The following KIAA1549L variants were observed in gnomAD, a reference collection of about 807,000 sequenced individuals.
KIAA1549L encodes KIAA1549 like.
KIAA1549L carries 88 observed loss-of-function variants against 160.7 expected under a neutral mutation model. That is an observed-to-expected ratio of 0.55 (90% CI 0.46 to 0.65). The LOEUF (loss-of-function observed/expected upper bound fraction) is 0.65, where lower values mean the gene tolerates loss of function less well. KIAA1549L is among the 30% of genes least tolerant of loss of function. The pLI is 0.00. For synonymous variants in KIAA1549L, 950 were observed against 976.7 expected (o/e 0.97, Z 0.51); for missense variants, 2,258 against 2,437.5 (o/e 0.93, Z 1.55).
chr11:33,463,831 T>A (rs1851989580), intron 1 of KIAA1549L, among the ~76,000 whole-genome samples: 2 of 152,244 alleles, frequency 1.3e-5, no homozygotes, highest in Non-Finnish European at 2.9e-5. Flanking sequence ...TGCCCATTAT[T>A]AACAATGAAT....
chr11:33,562,088 A>G (rs1220918784), intron 8 of KIAA1549L, among the ~76,000 whole-genome samples: 8 of 152,196 alleles, frequency 5.3e-5, no homozygotes. Flanking sequence ...TGCAAAACCC[A>G]AATTAAAGTT....
intron 1 of KIAA1549L, among the ~76,000 whole-genome samples, chr11:33,495,503 C>T (rs1852796503): frequency 6.6e-6 from 1 of 152,104 alleles, no homozygotes; most frequent in South Asian, 2.1e-4. Context: ...ATATGTGCCA[C>T]ATTTTCTTAA....
At chr11:33,398,122 A>G (rs1288303912) in intron 1 of KIAA1549L, among the ~76,000 whole-genome samples, 1 of 151,788 alleles carries the variant, frequency 6.6e-6, no homozygotes, top group East Asian at 1.9e-4. Context: ...GGGTTTCGCC[A>G]TGTAGGCCAG....
intron 1 of KIAA1549L, among the ~76,000 whole-genome samples, chr11:33,512,753 T>C (rs920571672): frequency 9.9e-5 from 15 of 152,250 alleles, no homozygotes; most frequent in Non-Finnish European, 1.9e-4. Flanking sequence ...ATCCTTTTAG[T>C]GCATTATCTC....
intron 16 of KIAA1549L, among the ~76,000 whole-genome samples, chr11:33,642,957 A>C (rs1851626776): frequency 6.6e-6 from 1 of 152,190 alleles, no homozygotes; most frequent in African/African-American, 2.4e-5. Flanking sequence ...AAATGGGTTC[A>C]GGGAGTATCC....
intron 8 of KIAA1549L, 101 bp downstream of exon 8, chr11:33,561,836 CTCCTGTCTTATAAGTCAG>C (rs770671624): frequency 8.3e-6 from 7 of 846,572 alleles, no homozygotes; most frequent in African/African-American, 3.4e-5. Flanking sequence ...CTTTTCTTTG[CTCCTGTCTTATAAGTCAG>C]GAAGTTACTT....
At chr11:33,580,300 G>A (rs186661760) in intron 10 of KIAA1549L, among the ~76,000 whole-genome samples, 34 of 152,298 alleles carry the variant, frequency 2.2e-4, no homozygotes, top group African/African-American at 7.7e-4. Flanking sequence ...TTGGCTGGGC[G>A]CAGTGGCTCA....
intron 16 of KIAA1549L, 70 bp downstream of exon 16, chr11:33,618,732 C>T: frequency 7.5e-7 from 1 of 1,331,284 alleles, no homozygotes; most frequent in South Asian, 1.8e-5. Flanking sequence ...TAGGGCATCC[C>T]ACTGTGTTTT....
intron 1 of KIAA1549L, among the ~76,000 whole-genome samples, chr11:33,522,855 C>T (rs969879445): frequency 4.0e-5 from 6 of 151,326 alleles, no homozygotes; most frequent in Non-Finnish European, 5.9e-5. Flanking sequence ...GCTATGATTG[C>T]GCCACTAAAT....
At chr11:33,463,668 G>A (rs1565147543) in intron 1 of KIAA1549L, among the ~76,000 whole-genome samples, 1 of 152,204 alleles carries the variant, frequency 6.6e-6, no homozygotes, top group Non-Finnish European at 1.5e-5. Context: ...CTACTCAGCT[G>A]AGCATGATTA....
chr11:33,636,297 GA>G (rs57934581), intron 16 of KIAA1549L, among the ~76,000 whole-genome samples: 5,016 of 147,686 alleles, frequency 0.034, 193 homozygotes, highest in East Asian at 0.19. Flanking sequence ...AGTAAGGAAA[GA>G]AAAAAAATTG....
intron 1 of KIAA1549L, among the ~76,000 whole-genome samples, chr11:33,387,669 C>T (rs1850199843): frequency 6.6e-6 from 1 of 152,156 alleles, no homozygotes; most frequent in Non-Finnish European, 1.5e-5. Flanking sequence ...GGAAAACAGC[C>T]TGGGTGAGGG....
chr11:33,529,851 G>A (rs913255017), intron 1 of KIAA1549L, among the ~76,000 whole-genome samples: 5 of 152,164 alleles, frequency 3.3e-5, no homozygotes. Flanking sequence ...CTAGAAATAA[G>A]GAGTTGTGGG....
chr11:33,578,566 T>C (rs950792756), intron 10 of KIAA1549L, among the ~76,000 whole-genome samples: 7 of 152,218 alleles, frequency 4.6e-5, no homozygotes, highest in Admixed American at 1.3e-4. Flanking sequence ...TGATCTTACA[T>C]TGACTCCATT....
At chr11:33,526,142 A>G (rs1853606626) in intron 1 of KIAA1549L, among the ~76,000 whole-genome samples, 2 of 152,168 alleles carry the variant, frequency 1.3e-5, no homozygotes, top group Admixed American at 6.5e-5. Flanking sequence ...ACATAGGGCA[A>G]GCTTATATCC....
chr11:33,419,787 C>G (rs1233770224), intron 1 of KIAA1549L, among the ~76,000 whole-genome samples: 6 of 151,948 alleles, frequency 3.9e-5, no homozygotes, highest in African/African-American at 1.5e-4. Flanking sequence ...GCGGAGGTTG[C>G]AGTGAGCCAA....
At chr11:33,494,529 G>A (rs1442729803) in intron 1 of KIAA1549L, among the ~76,000 whole-genome samples, 1 of 152,216 alleles carries the variant, frequency 6.6e-6, no homozygotes, top group African/African-American at 2.4e-5. Flanking sequence ...GGCAGCAAAT[G>A]TATAAATCAG....
chr11:33,613,932 C>T (rs1387052278), intron 15 of KIAA1549L, among the ~76,000 whole-genome samples: 3 of 152,164 alleles, frequency 2.0e-5, no homozygotes, highest in African/African-American at 4.8e-5. Flanking sequence ...GAGATGGTTG[C>T]TGTTGGCGGC....
rs559633296 is a variant in KIAA1549L, at chr11:33,598,233, A to C, written c.4752-587A>C. On this transcript the variant is annotated intron_variant, in intron 12 of 20. Transcript: ENST00000658780. ...GTGTGTGTGTGTGTGTGTGTGTCAG[A>C]GTGAAGCCCCTAGTGATGGGGTATT... 8.2e-5 allele frequency among the ~76,000 whole-genome samples: 10 copies of C among 122,568 alleles called. No individual in the cohort carries two copies. The East Asian group carries it at 2.6e-3, about 32-fold the overall frequency. 80.4% of individuals were successfully genotyped at this position (122,568 alleles called of 152,430 possible).
Sources: gnomAD v4.1 joint callset for allele counts (sites outside exome capture counted in the v4.1 genomes callset) on GRCh38, gnomAD v4.1.1 for gene constraint, MANE v1.5 for transcripts, NCBI Gene and HGNC (gene_info 2026-07-23, HGNC 2026-07-21) for gene names.